LRCH3: variants seen among roughly 807,000 people sequenced by gnomAD.
LRCH3 encodes leucine rich repeats and calponin homology domain containing 3.
Under a neutral mutation model 104.5 loss-of-function variants are expected in LRCH3, and 68 were observed. That is an observed-to-expected ratio of 0.65 (90% CI 0.54 to 0.80). The LOEUF is 0.80. Ranked by LOEUF, LRCH3 falls within the 30% of genes least tolerant of loss-of-function variation. LRCH3 has a pLI of 0.00. For synonymous variants in LRCH3, 344 were observed against 361.3 expected (o/e 0.95, Z 0.54); for missense variants, 951 against 953.9 (o/e 1.00, Z 0.04).
intron 20 of LRCH3, among the ~76,000 whole-genome samples, chr3:197,877,552 C>G (rs550748313): frequency 1.7e-5 from 2 of 121,182 alleles, no homozygotes; most frequent in African/African-American, 5.3e-5. Context: ...CCCAACTCAC[C>G]GCACCCATGA....
At chr3:197,817,969 C>T (rs777532852) in intron 3 of LRCH3, among the ~76,000 whole-genome samples, 4 of 152,084 alleles carry the variant, frequency 2.6e-5, no homozygotes, top group East Asian at 3.9e-4. Flanking sequence ...CACAGGCGCC[C>T]GCCACCATGC....
At chr3:197,817,360 G>GTATA (rs58866690) in intron 3 of LRCH3, 58 bp downstream of exon 3, 65 of 89,896 alleles carry the variant, frequency 7.2e-4, no homozygotes, top group African/African-American at 1.1e-3. Flanking sequence ...GTGTGTGTGT[G>GTATA]TATATATATA....
chr3:197,862,177 G>T (rs1281359291), intron 15 of LRCH3, among the ~76,000 whole-genome samples: 1 of 152,098 alleles, frequency 6.6e-6, no homozygotes, highest in East Asian at 1.9e-4. Context: ...TGTATTTTTA[G>T]TAGAGATGGG....
chr3:197,826,865 T>TA lies in LRCH3; in HGVS notation c.641-12dup, dbSNP rs779116915. ...CATCATTAATTGTTCATTTCCATTT[T>TA]ACCTTCTTGCAGAGCTGGCGGAGTT... On this transcript the variant is annotated splice_polypyrimidine_tract_variant and intron_variant, in intron 4 of 20. Transcript: ENST00000425562. 23 of 1,613,914 alleles carry TA rather than the reference T, an allele frequency of 1.4e-5. No individual in the cohort carries two copies. Among genetic ancestry groups the TA allele is most frequent in the Non-Finnish European group, 1.9e-5 (23 of 1,179,930 alleles).
At chr3:197,838,486 G>C (rs73210159) in intron 9 of LRCH3, among the ~76,000 whole-genome samples, 3,869 of 152,228 alleles carry the variant, frequency 0.025, 93 homozygotes, top group Non-Finnish European at 0.036. Flanking sequence ...TTTTATGTTT[G>C]ATTTGTAGAT....
At chr3:197,845,189 G>C (rs1166649537) in intron 10 of LRCH3, among the ~76,000 whole-genome samples, 1 of 151,868 alleles carries the variant, frequency 6.6e-6, no homozygotes, top group Non-Finnish European at 1.5e-5. Flanking sequence ...TGGGTGGTTT[G>C]CTTGAGCCCA....
At chr3:197,819,104 C>T (rs957644560) in intron 3 of LRCH3, among the ~76,000 whole-genome samples, 12 of 145,264 alleles carry the variant, frequency 8.3e-5, no homozygotes, top group African/African-American at 3.1e-4. Flanking sequence ...CCAGCCTGGG[C>T]AACAGAGTGA....
intron 1 of LRCH3, among the ~76,000 whole-genome samples, chr3:197,794,738 CTCTCGCCTATAA>C (rs1474430858): frequency 2.6e-5 from 4 of 152,204 alleles, no homozygotes; most frequent in Non-Finnish European, 5.9e-5. Flanking sequence ...GGCCTGGTGG[CTCTCGCCTATAA>C]TCCCAGCACT....
chr3:197,832,283 G>A lies in LRCH3; in HGVS notation c.1068G>A (p.Glu356=). Residue 356 remains glutamate, a synonymous_variant, in exon 8 of 21, where the codon GAG becomes GAA. Coordinates refer to ENST00000425562, the MANE Select transcript of LRCH3 (RefSeq NM_001365715.1). ...TACGAAGAGAAAGCCAGTACCAAGA[G>A]AACCGCGGCAGTTTGGTAGTAACAA... The part of the protein sequence containing the change: ...QRLRRESQYQ[E]NRGSLVVTNG... 6.2e-7 allele frequency: 1 copy of A among 1,613,878 alleles called. No homozygotes were observed. The highest frequency in any genetic ancestry group is 8.5e-7 in the Non-Finnish European group (1 of 1,179,820).
intron 1 of LRCH3, 122 bp from the exon 2 acceptor site, chr3:197,814,786 T>C: frequency 1.3e-6 from 1 of 750,152 alleles, no homozygotes; most frequent in South Asian, 2.5e-5. Flanking sequence ...AGATATGCCT[T>C]AGAAGCTGTT....
chr3:197,852,541 G>C lies in LRCH3; in HGVS notation c.1531-20G>C, dbSNP rs1739749772. 6.2e-7 allele frequency: 1 copy of C among 1,611,278 alleles called. No individual in the cohort carries two copies. The highest frequency in any genetic ancestry group is 8.5e-7 in the Non-Finnish European group (1 of 1,178,860). The stretch of plus-strand genomic sequence containing the variant: ...GGCTCTAACCAACTTCCTTTTTTGG[G>C]GGGTTTTGGGATTATACAGCAAAAA... On this transcript the variant is annotated intron_variant, in intron 12 of 20. Transcript: ENST00000425562.
At chr3:197,867,486 G>T (rs1363774558) in intron 17 of LRCH3, among the ~76,000 whole-genome samples, 2 of 152,062 alleles carry the variant, frequency 1.3e-5, no homozygotes, top group Non-Finnish European at 2.9e-5. Context: ...GGAGGCCGAG[G>T]TAGATGGGAT....
In LRCH3 at chr3:197,847,372, AAG is replaced by A. The variant is rs532611292; in HGVS notation, c.1329-34_1329-33del. 2.0e-3 allele frequency: 3,061 copies of A among 1,551,080 alleles called. 10 individuals carry two copies. The highest frequency in any genetic ancestry group is 2.5e-3 in the Non-Finnish European group (2,904 of 1,152,970). On this transcript the variant is annotated intron_variant, in intron 10 of 20. Coordinates refer to ENST00000425562, the MANE Select transcript of LRCH3 (RefSeq NM_001365715.1). The stretch of plus-strand genomic sequence containing the variant: ...TATGTATCTGTTTGTCTTTTTATCA[AAG>A]AGTTTTTTTCTTTCTTTTTTCTTTT...
At chr3:197,811,591 A>G (rs1241737798) in intron 1 of LRCH3, among the ~76,000 whole-genome samples, 1 of 152,208 alleles carries the variant, frequency 6.6e-6, no homozygotes, top group African/African-American at 2.4e-5. Context: ...TTTGACTGCT[A>G]GCATTTCTTA....
rs114391033 is a variant in LRCH3 at position 197,812,046 on chromosome 3, A to G, written c.263-2862A>G. On this transcript the variant is annotated intron_variant, in intron 1 of 20. Coordinates refer to ENST00000425562, the MANE Select transcript of LRCH3 (RefSeq NM_001365715.1). ...TTGTTGTGGTAAAATATGCCATTTTATCCATTTTTAAGCATCTGTTCAGTG... is the reference window on the plus strand; with the variant it reads ...TTGTTGTGGTAAAATATGCCATTTTGTCCATTTTTAAGCATCTGTTCAGTG... Among the ~76,000 whole-genome samples the G allele has an allele frequency of 8.2e-3, 1,250 of 152,282 alleles. 14 individuals carry two copies. The highest frequency in any genetic ancestry group is 0.028 in the African/African-American group (1,178 of 41,568).
intron 20 of LRCH3, chr3:197,881,165 C>T (rs965226616): frequency 2.4e-5 from 24 of 1,009,686 alleles, no homozygotes; most frequent in Admixed American, 5.2e-5. Flanking sequence ...CGAGGAGAAC[C>T]GTCGTGCCTT....
rs1419797872 is a variant in LRCH3 at position 197,888,424 on chromosome 3, G to A, written c.*4758G>A. 2 of 152,180 alleles carry A rather than the reference G, an allele frequency of 1.3e-5. No homozygotes were observed. The highest frequency in any genetic ancestry group is 2.9e-5 in the Non-Finnish European group (2 of 68,034). 9.4% of individuals were successfully genotyped at this position (152,180 alleles called of 1,614,324 possible). A position where few individuals can be genotyped will look rare whatever the true frequency, so the allele number is the denominator to read the frequency against. ...TCAAATAAAAGCCAACACTTCAGTG[G>A]CGTGTAATAAAAGCTGATTGGAGCG... On this transcript the variant is annotated 3_prime_UTR_variant, in exon 21 of 21. Coordinates refer to ENST00000425562, the MANE Select transcript of LRCH3 (RefSeq NM_001365715.1).
In LRCH3 at chr3:197,888,110, C is replaced by G. The variant is rs975102065; in HGVS notation, c.*4444C>G. 3.3e-5 allele frequency: 5 copies of G among 152,166 alleles called. No homozygotes were observed. The highest frequency in any genetic ancestry group is 1.2e-4 in the African/African-American group (5 of 41,440). The allele number at this position is 152,166 out of a possible 1,614,324, so 9.4% of individuals were successfully genotyped here. ...CTCAGCAGTGACTAATGATGTGTGACTATGCGAATGAGTTTGATGAATTCG... is the reference window on the plus strand; with the variant it reads ...CTCAGCAGTGACTAATGATGTGTGAGTATGCGAATGAGTTTGATGAATTCG... On this transcript the variant is annotated 3_prime_UTR_variant, in exon 21 of 21. Transcript: ENST00000425562.
intron 20 of LRCH3, chr3:197,881,701 A>G (rs977040296): frequency 2.0e-6 from 2 of 985,296 alleles, no homozygotes; most frequent in African/African-American, 1.7e-5. Context: ...TTCTAGTTTC[A>G]TAAGTGGTGT....
Sources: gnomAD v4.1 joint callset for allele counts (sites outside exome capture counted in the v4.1 genomes callset) on GRCh38, gnomAD v4.1.1 for gene constraint, MANE v1.5 for transcripts, NCBI Gene and HGNC (gene_info 2026-07-23, HGNC 2026-07-21) for gene names.